ANKAR: variants seen among roughly 807,000 people sequenced by gnomAD.
The protein encoded by ANKAR is ankyrin and armadillo repeat-containing protein.
A neutral mutation model predicts 146.2 loss-of-function variants in ANKAR; 136 were observed. The observed-to-expected ratio is 0.93, with a 90% CI of 0.81 to 1.07. The LOEUF (loss-of-function observed/expected upper bound fraction) is 1.07. Among genes scored for constraint, ANKAR ranks in the 50% least tolerant of loss-of-function variants. ANKAR has a pLI of 0.00. For missense variants in ANKAR, 1,567 were observed against 1,679.9 expected (o/e 0.93, Z 1.18); for synonymous variants, 500 against 575.8 (o/e 0.87, Z 1.88).
intron 12 of ANKAR, among the ~76,000 whole-genome samples, chr2:189,721,105 A>T (rs1966729): frequency 6.6e-6 from 1 of 152,068 alleles, no homozygotes; most frequent in East Asian, 1.9e-4. Context: ...CTTCTGTCTT[A>T]GCCTCCTGAG....
At position 189,695,098 on chromosome 2, in the gene ANKAR, A is replaced by G; in HGVS notation, c.1425A>G (p.Thr475=). ...NNLRLKRLPL[T]DAQLHEQFKK... is the part of the protein sequence containing the mutation. ...TGAGACTGAAAAGACTTCCACTGAC[A>G]GATGCTCAATTACATGAACAATTTA... The change falls in exon 6 of 23, where the codon ACA becomes ACG. Residue 475 remains threonine, a synonymous_variant. Transcript: ENST00000684021. 6.2e-7 allele frequency: 1 copy of G among 1,612,816 alleles called. No individual in the cohort carries two copies. Among genetic ancestry groups the G allele is most frequent in the Non-Finnish European group, 8.5e-7 (1 of 1,179,490 alleles).
intron 3 of ANKAR, among the ~76,000 whole-genome samples, 177 bp downstream of exon 3, chr2:189,690,141 A>G (rs1027747127): frequency 6.6e-6 from 1 of 152,190 alleles, no homozygotes; most frequent in African/African-American, 2.4e-5. Flanking sequence ...TGTATATAGT[A>G]CTTTGTATAT....
chr2:189,713,954 G>A (rs1161702403), intron 10 of ANKAR, among the ~76,000 whole-genome samples: 1 of 152,002 alleles, frequency 6.6e-6, no homozygotes, highest in African/African-American at 2.4e-5. Flanking sequence ...AAATAGCAGG[G>A]GTTGCCATCC....
chr2:189,741,850 C>T (rs1420023874), intron 20 of ANKAR, among the ~76,000 whole-genome samples: 1 of 152,150 alleles, frequency 6.6e-6, no homozygotes, highest in Non-Finnish European at 1.5e-5. Context: ...CAAAATAAGT[C>T]ATCTTAATCC....
intron 2 of ANKAR, among the ~76,000 whole-genome samples, chr2:189,678,212 A>G (rs143348283): frequency 0.019 from 2,838 of 152,080 alleles, 87 homozygotes; most frequent in African/African-American, 0.064. Context: ...CATTTTTCAT[A>G]TGTTTGTTGG....
chr2:189,721,735 G>A (rs2041265934), intron 12 of ANKAR, among the ~76,000 whole-genome samples: 1 of 152,066 alleles, frequency 6.6e-6, no homozygotes, highest in African/African-American at 2.4e-5. Context: ...CCAAATTTGG[G>A]GGAAGAGAAA....
At position 189,743,298 on chromosome 2, in the gene ANKAR, T is replaced by C. The variant is rs1345264523; in HGVS notation, c.3834T>C (p.Ala1278=). 1 of 1,614,016 alleles carries C rather than the reference T, an allele frequency of 6.2e-7. No individual in the cohort carries two copies. Among genetic ancestry groups the C allele is most frequent in the African/African-American group, 1.3e-5 (1 of 75,070 alleles). ...AGGTTCGTGCAGCTTGTTCCTCTGC[T>C]CTTGGCTACTTAACATACAATGCAA... is the stretch of plus-strand genomic sequence containing the variant. ...IEEVRAACSS[A]LGYLTYNANA... Residue 1278 remains alanine, a synonymous_variant, in exon 21 of 23, where the codon GCT becomes GCC. Transcript: ENST00000684021.
downstream of ANKAR, among the ~76,000 whole-genome samples, chr2:189,747,558 G>A (rs2044335954): frequency 1.3e-5 from 2 of 152,030 alleles, no homozygotes; most frequent in Non-Finnish European, 2.9e-5. Context: ...AACTGGAAAG[G>A]GTAATAGTCT....
chr2:189,732,430 A>T (rs1290923698), intron 16 of ANKAR, among the ~76,000 whole-genome samples: 1 of 152,046 alleles, frequency 6.6e-6, no homozygotes, highest in East Asian at 1.9e-4. Context: ...AGGAGGACAA[A>T]GCAGGCGGAT....
chr2:189,749,244 T>TAA (rs397987026), downstream of ANKAR, among the ~76,000 whole-genome samples: 37,519 of 62,990 alleles, frequency 0.6, 12,744 homozygotes, highest in Non-Finnish European at 0.73. Context: ...AGACTCTGTC[T>TAA]AAAAAAAAAA....
At chr2:189,713,204 T>C (rs2577632) in intron 10 of ANKAR, among the ~76,000 whole-genome samples, 149,485 of 152,326 alleles carry the variant, frequency 0.98, 73,409 homozygotes, top group South Asian at 1. Context: ...TTCAGGATAT[T>C]ATCCAGGAGA....
intron 18 of ANKAR, among the ~76,000 whole-genome samples, chr2:189,760,004 T>C (rs1311702044): frequency 6.6e-6 from 1 of 152,160 alleles, no homozygotes; most frequent in Non-Finnish European, 1.5e-5. Flanking sequence ...ACAAAGCACA[T>C]CTTGCACCGC....
chr2:189,743,569 A>T, intron 21 of ANKAR, 95 bp downstream of exon 21: 1 of 1,085,242 alleles, frequency 9.2e-7, no homozygotes, highest in Non-Finnish European at 1.3e-6. Context: ...ACTATTCTTG[A>T]TATGAACATA....
chr2:189,695,335 G>C (rs903404703), intron 6 of ANKAR, among the ~76,000 whole-genome samples, 174 bp downstream of exon 6: 11 of 152,156 alleles, frequency 7.2e-5, no homozygotes, highest in African/African-American at 2.7e-4. Flanking sequence ...ATAAATTTCT[G>C]GCAGAGTACC....
chr2:189,693,884 G>A (rs1439863880), intron 5 of ANKAR, among the ~76,000 whole-genome samples: 1 of 152,082 alleles, frequency 6.6e-6, no homozygotes, highest in African/African-American at 2.4e-5. Flanking sequence ...GAGTAGCTAG[G>A]ATTACAGGCA....
chr2:189,739,443 A>G (rs1559142999), intron 19 of ANKAR, among the ~76,000 whole-genome samples: 1 of 152,222 alleles, frequency 6.6e-6, no homozygotes, highest in Non-Finnish European at 1.5e-5. Context: ...TTTCTGATGG[A>G]AACTAGCTAG....
At chr2:189,695,264 GTCT>G in intron 6 of ANKAR, 103 bp downstream of exon 6, 1 of 971,084 alleles carries the variant, frequency 1.0e-6, no homozygotes, top group Non-Finnish European at 1.4e-6. Flanking sequence ...ATAGGTTAAA[GTCT>G]TCAACATGAA....
chr2:189,706,823 A>G, intron 8 of ANKAR, 115 bp from the exon 9 acceptor site: 1 of 687,728 alleles, frequency 1.5e-6, no homozygotes. Context: ...AGAATTCCTA[A>G]GAATAGAAGG....
chr2:189,709,618 A>T (rs1376253743), intron 9 of ANKAR, among the ~76,000 whole-genome samples: 1 of 152,214 alleles, frequency 6.6e-6, no homozygotes, highest in Non-Finnish European at 1.5e-5. Context: ...GATGGGATAA[A>T]ATATGTTTAA....
Sources: allele counts gnomAD v4.1 joint callset (sites outside exome capture counted in the v4.1 genomes callset), GRCh38; gene constraint gnomAD v4.1.1; transcripts MANE v1.5; gene names NCBI Gene and HGNC (gene_info 2026-07-23, HGNC 2026-07-21).